Variants in SPON1 observed in about 807,000 individuals in gnomAD.
SPON1 encodes spondin-1.
A neutral mutation model predicts 111.7 loss-of-function variants in SPON1; 52 were observed. The observed-to-expected ratio is 0.47, with a 90% CI of 0.37 to 0.59. SPON1 has a LOEUF of 0.59. Ranked by LOEUF, SPON1 falls within the 20% of genes least tolerant of loss-of-function variation. The pLI, the probability that SPON1 is intolerant of heterozygous loss-of-function variation, is 0.00. For synonymous variants in SPON1, 410 were observed against 395.8 expected, an observed-to-expected ratio of 1.04 and a Z score of -0.43; for missense variants, 957 against 1,068.5, an observed-to-expected ratio of 0.90 and a Z score of 1.46.
chr11:14,241,240 C>T (rs1040585982), intron 6 of SPON1, among the ~76,000 whole-genome samples: 15 of 151,990 alleles, frequency 9.9e-5, no homozygotes, highest in African/African-American at 3.6e-4. Flanking sequence ...CTAAAATTTT[C>T]CACAATGTGT....
chr11:14,169,200 G>A (rs1848068055), intron 6 of SPON1, among the ~76,000 whole-genome samples: 1 of 152,144 alleles, frequency 6.6e-6, no homozygotes, highest in Non-Finnish European at 1.5e-5. Flanking sequence ...CATTCTAACT[G>A]GTGTGAGATG....
At chr11:13,999,250 G>A (rs548774995) in intron 2 of SPON1, among the ~76,000 whole-genome samples, 4 of 152,112 alleles carry the variant, frequency 2.6e-5, no homozygotes, top group African/African-American at 7.2e-5. Flanking sequence ...TGACACTGTC[G>A]TGTGTAAGGC....
At chr11:14,093,879 G>T (rs1046230451) in intron 5 of SPON1, among the ~76,000 whole-genome samples, 5 of 152,082 alleles carry the variant, frequency 3.3e-5, no homozygotes, top group African/African-American at 1.2e-4. Flanking sequence ...TTTAAGTAAT[G>T]TCAGGTCTTT....
Position 13,962,765 on chromosome 11 carries a change from G to A in SPON1, c.-140G>A, listed in dbSNP as rs1195036769. The A allele has an allele frequency of 1.3e-6, 1 of 751,766 alleles. No homozygotes were observed. Among genetic ancestry groups the A allele is most frequent in the Admixed American group, 3.8e-5 (1 of 26,624 alleles). The allele number at this position is 751,766 out of a possible 1,614,324, so 46.6% of individuals were successfully genotyped here. ...CGGCCGCCAAGCCGAGGCGGGCACGGTCTCCGAGTCGCGGACGCCAGCTCC... is the reference window on the plus strand; with the variant it reads ...CGGCCGCCAAGCCGAGGCGGGCACGATCTCCGAGTCGCGGACGCCAGCTCC... On this transcript the variant is annotated 5_prime_UTR_variant, in exon 1 of 16. Coordinates refer to ENST00000576479, the MANE Select transcript of SPON1 (RefSeq NM_006108.4).
chr11:14,242,239 G>A (rs1220005202), intron 6 of SPON1, among the ~76,000 whole-genome samples: 1 of 152,186 alleles, frequency 6.6e-6, no homozygotes, highest in African/African-American at 2.4e-5. Context: ...CAGGGAGAAG[G>A]TCACAATGCA....
intron 6 of SPON1, among the ~76,000 whole-genome samples, chr11:14,172,396 G>T (rs560436887): frequency 0.01 from 1,593 of 151,884 alleles, 40 homozygotes; most frequent in Admixed American, 0.035. Context: ...CTCTGCATGT[G>T]AGATGGGTTT....
At chr11:14,083,732 A>G (rs1554922284) in intron 5 of SPON1, among the ~76,000 whole-genome samples, 1 of 152,270 alleles carries the variant, frequency 6.6e-6, no homozygotes, top group Non-Finnish European at 1.5e-5. Flanking sequence ...TATCAAGTTC[A>G]TAATAATGAA....
Position 14,157,723 on chromosome 11 carries a change from TA to T in SPON1, c.825+22156del, listed in dbSNP as rs143222035. Among the ~76,000 whole-genome samples the T allele has an allele frequency of 8.2e-3, 1,249 of 152,266 alleles. 12 individuals are homozygous for T. The highest frequency in any genetic ancestry group is 0.028 in the African/African-American group (1,164 of 41,562). Reference sequence around the variant, plus strand: ...TGCTTCTTATGCTTTTTTTGTATATTATTTATCATTTTCCCTCCATACTTTA... The same window carrying T: ...TGCTTCTTATGCTTTTTTTGTATATTTTTATCATTTTCCCTCCATACTTTA... On this transcript the variant is annotated intron_variant, in intron 6 of 15. Coordinates refer to ENST00000576479, the MANE Select transcript of SPON1 (RefSeq NM_006108.4).
intron 5 of SPON1, among the ~76,000 whole-genome samples, chr11:14,122,866 C>T (rs1415714401): frequency 6.6e-6 from 1 of 151,666 alleles, no homozygotes; most frequent in Non-Finnish European, 1.5e-5. Flanking sequence ...TCAGGAACTC[C>T]TGTTATTGAC....
chr11:14,085,666 T>G (rs553171400), intron 5 of SPON1, among the ~76,000 whole-genome samples: 2 of 152,220 alleles, frequency 1.3e-5, no homozygotes, highest in Non-Finnish European at 2.9e-5. Flanking sequence ...TTAAAGTAGT[T>G]TTTTCTAGTT....
rs531509993 is a variant in SPON1, at chr11:14,206,434, G to A, written c.826-36898G>A. ...TCTCGAACTCCTGACCTCGTGATCC[G>A]CCCACCTCAGCCTCCCATGGTTACC... On this transcript the variant is annotated intron_variant, in intron 6 of 15. Coordinates refer to ENST00000576479, the MANE Select transcript of SPON1 (RefSeq NM_006108.4). 1.8e-4 allele frequency among the ~76,000 whole-genome samples: 27 copies of A among 152,118 alleles called. No homozygotes were observed. In the East Asian group the frequency reaches 2.7e-3, roughly 15 times the overall value.
chr11:14,035,037 A>C, intron 2 of SPON1, among the ~76,000 whole-genome samples: 1 of 152,240 alleles, frequency 6.6e-6, no homozygotes, highest in East Asian at 1.9e-4. Context: ...ACAAAGCTGC[A>C]GAAGAGAGTC....
intron 6 of SPON1, among the ~76,000 whole-genome samples, chr11:14,139,413 C>T (rs1591386330): frequency 6.6e-6 from 1 of 152,208 alleles, no homozygotes; most frequent in African/African-American, 2.4e-5. Context: ...CATCATCACA[C>T]TTACATATTT....
At position 14,027,104 on chromosome 11, in the gene SPON1, C is replaced by T. The variant is rs138745068; in HGVS notation, c.346-14417C>T. On this transcript the variant is annotated intron_variant, in intron 2 of 15. Coordinates refer to ENST00000576479, the MANE Select transcript of SPON1 (RefSeq NM_006108.4). Reference sequence around the variant, plus strand: ...TGGGAAACTGCATCCCTTGAGGAGACTCGTCTGGACTTCTCTCTGCCGGGA... The same window carrying T: ...TGGGAAACTGCATCCCTTGAGGAGATTCGTCTGGACTTCTCTCTGCCGGGA... Among the ~76,000 whole-genome samples the T allele has an allele frequency of 3.0e-3, 457 of 152,294 alleles. 1 individual carries two copies. The highest frequency in any genetic ancestry group is 0.01 in the African/African-American group (434 of 41,562).
At chr11:13,985,651 A>G (rs1554910215) in intron 2 of SPON1, among the ~76,000 whole-genome samples, 2 of 151,970 alleles carry the variant, frequency 1.3e-5, no homozygotes, top group Non-Finnish European at 2.9e-5. Context: ...GGTGCTTTAT[A>G]TGCATTAGCC....
intron 6 of SPON1, among the ~76,000 whole-genome samples, chr11:14,224,289 G>T (rs1201609704): frequency 1.3e-5 from 2 of 152,090 alleles, no homozygotes; most frequent in Admixed American, 6.5e-5. Flanking sequence ...GCAACGTAGG[G>T]TACCTTGGAA....
At chr11:14,106,786 G>T (rs1045502514) in intron 5 of SPON1, among the ~76,000 whole-genome samples, 8 of 152,188 alleles carry the variant, frequency 5.3e-5, no homozygotes, top group African/African-American at 1.9e-4. Context: ...GAGTAGGATA[G>T]TTGTAATCCC....
At chr11:14,223,794 C>T (rs1457903212) in intron 6 of SPON1, among the ~76,000 whole-genome samples, 1 of 152,202 alleles carries the variant, frequency 6.6e-6, no homozygotes, top group Non-Finnish European at 1.5e-5. Context: ...AAGCTAGGTG[C>T]CCTGCCACTG....
At chr11:14,080,165 T>A (rs965538527) in intron 5 of SPON1, 144 bp downstream of exon 5, 46 of 866,568 alleles carry the variant, frequency 5.3e-5, no homozygotes, top group Non-Finnish European at 7.4e-5. Flanking sequence ...GTATGTATAT[T>A]AATCAAGACA....
Sources: gnomAD v4.1 joint callset for allele counts (sites outside exome capture counted in the v4.1 genomes callset) on GRCh38, gnomAD v4.1.1 for gene constraint, MANE v1.5 for transcripts, NCBI Gene and HGNC (gene_info 2026-07-23, HGNC 2026-07-21) for gene names.